MARK1: variants seen among roughly 807,000 people sequenced by gnomAD.
MARK1 encodes microtubule affinity regulating kinase 1, also known as serine/threonine-protein kinase MARK1.
MARK1 carries 40 observed loss-of-function variants against 96.3 expected under a neutral mutation model. The observed-to-expected ratio is 0.42, with a 90% CI of 0.32 to 0.54. The LOEUF (loss-of-function observed/expected upper bound fraction) is 0.54. Ranked by LOEUF, MARK1 falls within the 20% of genes least tolerant of loss-of-function variation. MARK1 has a pLI of 0.16. For synonymous variants in MARK1, 317 were observed against 341.2 expected, an observed-to-expected ratio of 0.93 and a Z score of 0.78; for missense variants, 719 against 984.6, an observed-to-expected ratio of 0.73 and a Z score of 3.61.
chr1:220,664,025 T>A lies in MARK1; in HGVS notation c.*1859T>A, dbSNP rs568909069. The A allele has an allele frequency of 6.5e-6, 1 of 152,740 alleles. No individual in the cohort carries two copies. The highest frequency in any genetic ancestry group is 1.9e-4 in the East Asian group (1 of 5,188). 9.5% of individuals were successfully genotyped at this position (152,740 alleles called of 1,614,324 possible). A position where few individuals can be genotyped will look rare whatever the true frequency, so the allele number is the denominator to read the frequency against. On this transcript the variant is annotated 3_prime_UTR_variant, in exon 18 of 18. Coordinates refer to ENST00000366917, the MANE Select transcript of MARK1 (RefSeq NM_018650.5). ...AAATTTAGTTGGCAAAGGGTGAAGC[T>A]GTGAAGGTTTTCAAGATTATTGAAA... is the stretch of plus-strand genomic sequence containing the variant.
chr1:220,618,281 C>A lies in MARK1; in HGVS notation c.553-29C>A. On this transcript the variant is annotated intron_variant, in intron 7 of 17. Transcript: ENST00000366917. This position sits in a 1 kb window ranked among gnomAD's most constrained non-coding sequence, Gnocchi z 4.6. ...ATTTTTATTTTATGTAGGCTTTTTA[C>A]ATTGTTCTTTCTATTATTTTCCTCT... 1 of 1,351,358 alleles carries A rather than the reference C, an allele frequency of 7.4e-7. No individual in the cohort carries two copies. Among genetic ancestry groups the A allele is most frequent in the Non-Finnish European group, 1.1e-6 (1 of 946,742 alleles). The allele number at this position is 1,351,358 out of a possible 1,614,324, so 83.7% of individuals were successfully genotyped here.
At chr1:220,574,363 C>A (rs1663687339) in intron 1 of MARK1, among the ~76,000 whole-genome samples, 1 of 152,234 alleles carries the variant, frequency 6.6e-6, no homozygotes, top group African/African-American at 2.4e-5. Flanking sequence ...TGGGACTTAG[C>A]AAAGCACCTG....
chr1:220,617,348 G>T (rs1666811415), intron 7 of MARK1, among the ~76,000 whole-genome samples: 1 of 152,134 alleles, frequency 6.6e-6, no homozygotes, highest in African/African-American at 2.4e-5. Flanking sequence ...TGGGTAGGGA[G>T]GGAAGAGATA....
At chr1:220,612,884 T>C (rs900562300) in intron 6 of MARK1, among the ~76,000 whole-genome samples, 1 of 152,086 alleles carries the variant, frequency 6.6e-6, no homozygotes, top group Non-Finnish European at 1.5e-5. Context: ...CCATTGCCCA[T>C]ACAATGCTTT....
At chr1:220,606,309 G>T (rs1303772522) in intron 6 of MARK1, among the ~76,000 whole-genome samples, 1 of 152,144 alleles carries the variant, frequency 6.6e-6, no homozygotes. Context: ...TCTGTTGGCT[G>T]CATAGATGTC....
At position 220,654,656 on chromosome 1, in the gene MARK1, A is replaced by G. The variant is rs539730918; in HGVS notation, c.1988+1304A>G. 1.3e-4 allele frequency among the ~76,000 whole-genome samples: 20 copies of G among 152,232 alleles called. No homozygotes were observed. The highest frequency in any genetic ancestry group is 2.1e-4 in the Non-Finnish European group (14 of 68,048). On this transcript the variant is annotated intron_variant, in intron 16 of 17. Coordinates refer to ENST00000366917, the MANE Select transcript of MARK1 (RefSeq NM_018650.5). The surrounding 1 kb of genome is among the most constrained non-coding windows in gnomAD (Gnocchi z 4.0). ...CGGCCATCTGCAGGGTACTAGTCAG[A>G]TTATCAGTAGTTTCTGCTTTTGGAA...
At chr1:220,532,469 G>GT (rs1375724075) in intron 1 of MARK1, among the ~76,000 whole-genome samples, 5 of 152,116 alleles carry the variant, frequency 3.3e-5, no homozygotes, top group African/African-American at 9.7e-5. Flanking sequence ...AATCAGTGCT[G>GT]TAACACCCCC....
intron 7 of MARK1, among the ~76,000 whole-genome samples, chr1:220,616,425 G>A (rs550045492): frequency 6.6e-6 from 1 of 152,242 alleles, no homozygotes; most frequent in Non-Finnish European, 1.5e-5. Flanking sequence ...GTGTATAATA[G>A]TACAAATGAG....
intron 1 of MARK1, among the ~76,000 whole-genome samples, chr1:220,546,706 C>T (rs548643801): frequency 6.6e-6 from 1 of 152,338 alleles, no homozygotes; most frequent in South Asian, 2.1e-4. Flanking sequence ...GGTGCAGTGG[C>T]TCACGCCTGT....
At chr1:220,529,778 T>TTG (rs375005581) in intron 1 of MARK1, among the ~76,000 whole-genome samples, 11 of 151,948 alleles carry the variant, frequency 7.2e-5, no homozygotes, top group East Asian at 1.9e-4. Context: ...AAAAGTACAG[T>TTG]TGTGTGTGTG....
At chr1:220,600,189 G>A (rs1665647679) in intron 5 of MARK1, among the ~76,000 whole-genome samples, 2 of 151,988 alleles carry the variant, frequency 1.3e-5, no homozygotes, top group Non-Finnish European at 2.9e-5. Context: ...TTGGCTATCA[G>A]CAGGGAATCT....
At chr1:220,597,399 T>A (rs539241664) in intron 3 of MARK1, among the ~76,000 whole-genome samples, 1 of 152,118 alleles carries the variant, frequency 6.6e-6, no homozygotes, top group East Asian at 1.9e-4. Context: ...CTGGGCAGAG[T>A]TGGGGGTTGT....
intron 1 of MARK1, among the ~76,000 whole-genome samples, chr1:220,532,251 A>T (rs1660367777): frequency 6.6e-6 from 1 of 152,214 alleles, no homozygotes; most frequent in Admixed American, 6.5e-5. Context: ...TATTGTAACT[A>T]AGGTTGCCAT....
Position 220,583,814 on chromosome 1 carries a change from ATTTTTTTT to A in MARK1, c.309+2714_309+2721del, listed in dbSNP as rs34848222. Among the ~76,000 whole-genome samples the A allele has an allele frequency of 1.9e-4, 20 of 105,222 alleles. No homozygotes were observed. The Middle Eastern group carries it at 0.024, about 127-fold the overall frequency. The allele number at this position is 105,222 out of a possible 152,430, so 69.0% of individuals were successfully genotyped here. A position where few individuals can be genotyped will look rare whatever the true frequency, so the allele number is the denominator to read the frequency against. Reference sequence around the variant, plus strand: ...CAGGTGCATGCACCATGCCTGGCTAATTTTTTTTTTTTTTTTTTTTTTTTTGTATTTTT... The same window carrying A: ...CAGGTGCATGCACCATGCCTGGCTAATTTTTTTTTTTTTTTTTGTATTTTT... On this transcript the variant is annotated intron_variant, in intron 3 of 17. Coordinates refer to ENST00000366917, the MANE Select transcript of MARK1 (RefSeq NM_018650.5).
chr1:220,556,503 A>AAAAAAAAAAAC (rs1558256430), intron 1 of MARK1, among the ~76,000 whole-genome samples: 1 of 142,546 alleles, frequency 7.0e-6, no homozygotes. Context: ...AAAAAAAAAA[A>AAAAAAAAAAAC]AAACAAATTA....
At chr1:220,538,425 G>C (rs184107468) in intron 1 of MARK1, among the ~76,000 whole-genome samples, 141,438 of 150,674 alleles carry the variant, frequency 0.94, 67,099 homozygotes, top group East Asian at 1. Context: ...CTGTTCTGTT[G>C]CATTGATCTA....
In MARK1 at chr1:220,528,572, C is replaced by T. The variant is rs950466538; in HGVS notation, c.-251C>T. 1.1e-5 allele frequency: 5 copies of T among 469,416 alleles called. No individual in the cohort carries two copies. The highest frequency in any genetic ancestry group is 3.4e-5 in the South Asian group (1 of 29,236). 29.1% of individuals were successfully genotyped at this position (469,416 alleles called of 1,614,324 possible). A position where few individuals can be genotyped will look rare whatever the true frequency, so the allele number is the denominator to read the frequency against. On this transcript the variant is annotated 5_prime_UTR_variant, in exon 1 of 18. Coordinates refer to ENST00000366917, the MANE Select transcript of MARK1 (RefSeq NM_018650.5). ...CCGCCAGCGCCGGGCAACCGCCTCG[C>T]CCGAAGCCCTCCCTCGTTACTGTCC... is the stretch of plus-strand genomic sequence containing the variant.
At chr1:220,602,047 T>C (rs1456848708) in intron 5 of MARK1, among the ~76,000 whole-genome samples, 3 of 152,188 alleles carry the variant, frequency 2.0e-5, no homozygotes. Context: ...GCAAGGTGAC[T>C]CTGGAAAATA....
At chr1:220,588,751 A>G (rs1664808209) in intron 3 of MARK1, among the ~76,000 whole-genome samples, 1 of 152,218 alleles carries the variant, frequency 6.6e-6, no homozygotes, top group African/African-American at 2.4e-5. Context: ...ATAATCCCTC[A>G]ATAAATGGCA....
Sources: gnomAD v4.1 joint callset for allele counts (sites outside exome capture counted in the v4.1 genomes callset) on GRCh38, gnomAD v4.1.1 for gene constraint, Gnocchi (gnomAD v3.1) non-coding constraint, MANE v1.5 for transcripts, NCBI Gene and HGNC (gene_info 2026-07-23, HGNC 2026-07-21) for gene names.